MIX23: variants seen among roughly 807,000 people sequenced by gnomAD.
MIX23 encodes the protein mitochondrial matrix import factor 23.
MIX23 carries 13 observed loss-of-function variants against 21.6 expected under a neutral mutation model. That is an observed-to-expected ratio of 0.60 (90% CI 0.39 to 0.96). MIX23 has a LOEUF of 0.96. Ranked by LOEUF, MIX23 falls within the 40% of genes least tolerant of loss-of-function variation. The pLI, the probability that MIX23 is intolerant of heterozygous loss-of-function variation, is 0.00. For synonymous variants in MIX23, 59 were observed against 58.0 expected (o/e 1.02, Z -0.08); for missense variants, 144 against 171.2 (o/e 0.84, Z 0.89).
At chr3:122,378,620 T>G (rs2075506782) in intron 1 of MIX23, among the ~76,000 whole-genome samples, 1 of 152,244 alleles carries the variant, frequency 6.6e-6, no homozygotes, top group Non-Finnish European at 1.5e-5. Flanking sequence ...TGTGGGCAAC[T>G]GTAACACAGT....
chr3:122,372,515 G>C (rs1024114482), intron 1 of MIX23, among the ~76,000 whole-genome samples: 2 of 151,890 alleles, frequency 1.3e-5, no homozygotes, highest in African/African-American at 4.8e-5. Context: ...ACAAAACACA[G>C]CCACTTAAAA....
chr3:122,363,441 A>G (rs1357230218), intron 3 of MIX23, among the ~76,000 whole-genome samples: 2 of 151,878 alleles, frequency 1.3e-5, no homozygotes, highest in Non-Finnish European at 2.9e-5. Flanking sequence ...GAAAAGATAT[A>G]CTCATATATT....
intron 1 of MIX23, among the ~76,000 whole-genome samples, chr3:122,378,722 T>C (rs1465316623): frequency 6.6e-6 from 1 of 152,208 alleles, no homozygotes; most frequent in African/African-American, 2.4e-5. Context: ...GTATATGTAG[T>C]CAGTCACTGA....
At chr3:122,368,469 T>C (rs981931438) in intron 2 of MIX23, 147 bp from the exon 3 acceptor site, 12 of 838,796 alleles carry the variant, frequency 1.4e-5, no homozygotes, top group Admixed American at 6.5e-5. Flanking sequence ...GAGAAGATTG[T>C]GTTGAATCAG....
intron 3 of MIX23, among the ~76,000 whole-genome samples, chr3:122,363,312 C>CA (rs760602091): frequency 6.8e-6 from 1 of 147,784 alleles, no homozygotes; most frequent in Non-Finnish European, 1.5e-5. Context: ...AGAAGACATA[C>CA]AAAAGGCCAG....
rs77736352 is a variant in MIX23, at chr3:122,379,950, G to C, written c.51+3224C>G. 5.3e-5 allele frequency among the ~76,000 whole-genome samples: 8 copies of C among 152,244 alleles called. No homozygotes were observed. The East Asian group carries it at 1.5e-3, about 29-fold the overall frequency. ...TTTTATGTCTTCTCTGTAATTGGTG[G>C]GGTAAAAATCTCATCCTCTTGGAAG... On this transcript the variant is annotated intron_variant, in intron 1 of 4. Transcript: ENST00000291458.
At chr3:122,380,404 A>G (rs527533174) in intron 1 of MIX23, among the ~76,000 whole-genome samples, 4 of 152,344 alleles carry the variant, frequency 2.6e-5, no homozygotes, top group East Asian at 3.9e-4. Context: ...TCTAACACCC[A>G]GCATCCCCAG....
intron 4 of MIX23, among the ~76,000 whole-genome samples, chr3:122,360,412 A>T (rs2075349134): frequency 6.6e-6 from 1 of 152,204 alleles, no homozygotes; most frequent in Non-Finnish European, 1.5e-5. Flanking sequence ...GGGAAAAAAA[A>T]GTGTGAATAG....
At chr3:122,376,071 G>T (rs767210143) in intron 1 of MIX23, among the ~76,000 whole-genome samples, 5 of 135,818 alleles carry the variant, frequency 3.7e-5, no homozygotes, top group Admixed American at 8.3e-5. Flanking sequence ...GCTGAGGCAG[G>T]AAAATCACTT....
intron 1 of MIX23, among the ~76,000 whole-genome samples, chr3:122,375,337 G>A (rs2075476465): frequency 6.6e-6 from 1 of 152,178 alleles, no homozygotes; most frequent in Non-Finnish European, 1.5e-5. Flanking sequence ...GGGAGACTGG[G>A]GAAGGAAGAG....
intron 3 of MIX23, among the ~76,000 whole-genome samples, chr3:122,366,039 G>A (rs1455100800): frequency 2.0e-5 from 3 of 151,858 alleles, no homozygotes; most frequent in African/African-American, 4.8e-5. Flanking sequence ...TTAGCTGGAC[G>A]TGGTGGCAGG....
At chr3:122,370,504 T>TA (rs1179128411) in intron 2 of MIX23, among the ~76,000 whole-genome samples, 1 of 139,604 alleles carries the variant, frequency 7.2e-6, no homozygotes, top group Admixed American at 7.2e-5. Context: ...TTATGTGACA[T>TA]AATCAAGGTT....
chr3:122,361,068 C>A (rs1413047735), intron 4 of MIX23, among the ~76,000 whole-genome samples: 1 of 152,164 alleles, frequency 6.6e-6, no homozygotes, highest in African/African-American at 2.4e-5. Flanking sequence ...TGGTATCGAA[C>A]TCCTGACCTC....
At chr3:122,366,179 AAAATAAATAAATAAATAAAT>A (rs139237017) in intron 3 of MIX23, among the ~76,000 whole-genome samples, 2,399 of 147,008 alleles carry the variant, frequency 0.016, 61 homozygotes, top group East Asian at 0.09. Flanking sequence ...CTCCATCTCA[AAAATAAATAAATAAATAAAT>A]AAATAAATAA....
chr3:122,372,085 C>T (rs183792496), intron 1 of MIX23, among the ~76,000 whole-genome samples: 13 of 152,204 alleles, frequency 8.5e-5, no homozygotes, highest in Admixed American at 7.8e-4. Context: ...TTTGCTGGCA[C>T]GGTGTTTAGC....
intron 2 of MIX23, 67 bp from the exon 3 acceptor site, chr3:122,368,389 CA>C (rs1266158614): frequency 1.9e-5 from 27 of 1,426,638 alleles, no homozygotes; most frequent in Admixed American, 5.5e-5. Context: ...TAGTGTTTTT[CA>C]AAAAAATCCT....
At position 122,360,529 on chromosome 3, in the gene MIX23, T is replaced by C. The variant is rs561132039; in HGVS notation, c.385-610A>G. On this transcript the variant is annotated intron_variant, in intron 4 of 4. Coordinates refer to ENST00000291458, the MANE Select transcript of MIX23 (RefSeq NM_001017928.4). Reference sequence around the variant, plus strand: ...ACCATCTTTCAGAGGGAAGGGAAAGTAGGAGGTAGCTGAAGGAGAGGGACA... The same window carrying C: ...ACCATCTTTCAGAGGGAAGGGAAAGCAGGAGGTAGCTGAAGGAGAGGGACA... Among the ~76,000 whole-genome samples, 3 of 152,186 alleles carry C rather than the reference T, an allele frequency of 2.0e-5. No homozygotes were observed. The East Asian group carries it at 5.8e-4, about 29-fold the overall frequency.
intron 3 of MIX23, among the ~76,000 whole-genome samples, chr3:122,366,232 T>C (rs1341035963): frequency 1.3e-5 from 2 of 151,862 alleles, no homozygotes; most frequent in African/African-American, 2.4e-5. Context: ...ATAATCTATA[T>C]GCCTTCATGA....
chr3:122,378,538 C>T (rs1014202679), intron 1 of MIX23, among the ~76,000 whole-genome samples: 2 of 152,210 alleles, frequency 1.3e-5, no homozygotes, highest in African/African-American at 4.8e-5. Flanking sequence ...CCTACTTACA[C>T]ACTTAGGCTA....
Sources: gnomAD v4.1 joint callset for allele counts (sites outside exome capture counted in the v4.1 genomes callset) on GRCh38, gnomAD v4.1.1 for gene constraint, MANE v1.5 for transcripts, NCBI Gene and HGNC (gene_info 2026-07-23, HGNC 2026-07-21) for gene names.